Variants in EFCAB6 observed in about 807,000 individuals in gnomAD.
The protein encoded by EFCAB6 is EF-hand calcium binding domain 6.
A neutral mutation model predicts 169.8 loss-of-function variants in EFCAB6; 156 were observed. The observed-to-expected ratio is 0.92, with a 90% CI of 0.81 to 1.05. The LOEUF (loss-of-function observed/expected upper bound fraction) is 1.05, where lower values mean the gene tolerates loss of function less well. Ranked by LOEUF, EFCAB6 falls within the 50% of genes least tolerant of loss-of-function variation. The probability of loss-of-function intolerance (pLI) is 0.00; values close to 1 mark genes in which losing one functional copy is unlikely to be tolerated. For missense variants in EFCAB6, 1,800 were observed against 1,829.1 expected (o/e 0.98, Z 0.29); for synonymous variants, 698 against 676.4 (o/e 1.03, Z -0.50).
At chr22:43,761,556 C>G (rs531054259) in intron 5 of EFCAB6, among the ~76,000 whole-genome samples, 1 of 152,310 alleles carries the variant, frequency 6.6e-6, no homozygotes, top group South Asian at 2.1e-4. Flanking sequence ...ATTTTATTGC[C>G]TGTTTTGCAT....
intron 28 of EFCAB6, among the ~76,000 whole-genome samples, chr22:43,538,881 G>A (rs1264538309): frequency 6.6e-6 from 1 of 152,052 alleles, no homozygotes; most frequent in African/African-American, 2.4e-5. Flanking sequence ...TTACAGTTCT[G>A]GAGGTCCAAA....
intron 10 of EFCAB6, among the ~76,000 whole-genome samples, chr22:43,708,639 A>G (rs1241622055): frequency 6.6e-6 from 1 of 152,188 alleles, no homozygotes; most frequent in East Asian, 1.9e-4. Context: ...ACAATAAAAG[A>G]GTAAAAAGTT....
rs150892923 is a variant in EFCAB6, at chr22:43,576,435, G to A, written c.3282C>T (p.Phe1094=). 1.2e-5 allele frequency: 19 copies of A among 1,597,614 alleles called. No homozygotes were observed. The highest frequency in any genetic ancestry group is 4.6e-5 in the East Asian group (2 of 43,836). Residue 1094 remains phenylalanine (F), a synonymous_variant, in exon 26 of 32, where the codon TTC becomes TTT. Coordinates refer to ENST00000262726, the MANE Select transcript of EFCAB6 (RefSeq NM_022785.4). ...AACAGAAATCCTTAAGAACTTGTCC[G>A]AATTCTGTAGCCTTTACAAATCCTG... ...EDTGFVKATE[F]GQVLKDFCYK...
intron 29 of EFCAB6, chr22:43,535,781 C>T (rs2047348978): frequency 6.6e-6 from 1 of 152,272 alleles, no homozygotes; most frequent in Non-Finnish European, 1.5e-5. Context: ...TGGAAGCAGA[C>T]TGCAGGCAAA....
At chr22:43,785,864 A>T (rs1184203074) in intron 2 of EFCAB6, among the ~76,000 whole-genome samples, 2 of 152,210 alleles carry the variant, frequency 1.3e-5, no homozygotes, top group Non-Finnish European at 2.9e-5. Context: ...TACTATACAC[A>T]ACTGTATGCT....
At chr22:43,531,362 T>C (rs738725) in intron 30 of EFCAB6, among the ~76,000 whole-genome samples, 115,463 of 151,980 alleles carry the variant, frequency 0.76, 44,068 homozygotes, top group Admixed American at 0.84. Flanking sequence ...CGGGCAGATA[T>C]GGGCCAATTT....
chr22:43,643,329 G>T (rs1360816543), intron 17 of EFCAB6, among the ~76,000 whole-genome samples: 1 of 152,246 alleles, frequency 6.6e-6, no homozygotes, highest in African/African-American at 2.4e-5. Flanking sequence ...ACACGAGTTG[G>T]TCGGACTCCA....
intron 24 of EFCAB6, among the ~76,000 whole-genome samples, chr22:43,581,572 A>G (rs1234646218): frequency 6.6e-6 from 1 of 152,264 alleles, no homozygotes; most frequent in Admixed American, 6.5e-5. Flanking sequence ...GTTTAATTGC[A>G]TTCAAAGTTC....
chr22:43,652,751 A>G (rs1569321099), intron 17 of EFCAB6, among the ~76,000 whole-genome samples: 1 of 152,108 alleles, frequency 6.6e-6, no homozygotes, highest in East Asian at 1.9e-4. Context: ...ATAACCCAAT[A>G]TCCAGAAAGA....
At chr22:43,662,440 G>A (rs1283067682) in intron 17 of EFCAB6, among the ~76,000 whole-genome samples, 1 of 152,036 alleles carries the variant, frequency 6.6e-6, no homozygotes, top group African/African-American at 2.4e-5. Context: ...CCAGTATGAG[G>A]TTACCAGCCA....
chr22:43,706,991 G>C (rs1204559373), intron 10 of EFCAB6, among the ~76,000 whole-genome samples: 1 of 152,182 alleles, frequency 6.6e-6, no homozygotes, highest in African/African-American at 2.4e-5. Context: ...TAGGTATTAG[G>C]AGCAAGGAAA....
At chr22:43,727,228 C>T (rs527469320) in intron 8 of EFCAB6, among the ~76,000 whole-genome samples, 229 of 152,280 alleles carry the variant, frequency 1.5e-3, no homozygotes, top group African/African-American at 5.4e-3. Flanking sequence ...GAGTTTGAGA[C>T]TAGGCTGGGC....
At chr22:43,531,908 A>T (rs115903974) in intron 30 of EFCAB6, 116 of 152,174 alleles carry the variant, frequency 7.6e-4, no homozygotes, top group African/African-American at 2.5e-3. Flanking sequence ...CCCCGAGGAC[A>T]TCTTTCTGCT....
Position 43,531,087 on chromosome 22 carries a change from G to C in EFCAB6, c.4234-123C>G. On this transcript the variant is annotated intron_variant, in intron 30 of 31. Coordinates refer to ENST00000262726, the MANE Select transcript of EFCAB6 (RefSeq NM_022785.4). ...CCGGCTTCACCTCCCAACCTGCTCCGCTGGCTCTGAATCGAGGAGGGAGCC... is the reference window on the plus strand; with the variant it reads ...CCGGCTTCACCTCCCAACCTGCTCCCCTGGCTCTGAATCGAGGAGGGAGCC... 3.1e-6 allele frequency: 4 copies of C among 1,308,530 alleles called. No homozygotes were observed. The South Asian group carries it at 4.1e-5, about 13-fold the overall frequency. The allele number at this position is 1,308,530 out of a possible 1,614,324, so 81.1% of individuals were successfully genotyped here. A position where few individuals can be genotyped will look rare whatever the true frequency, so the allele number is the denominator to read the frequency against.
intron 4 of EFCAB6, among the ~76,000 whole-genome samples, 170 bp downstream of exon 4, chr22:43,772,721 CT>C (rs2061513102): frequency 6.6e-6 from 1 of 151,896 alleles, no homozygotes; most frequent in Non-Finnish European, 1.5e-5. Context: ...GACCGAGTAG[CT>C]GTTGATCGTG....
chr22:43,703,933 C>CCTTT (rs1418102713), intron 10 of EFCAB6, among the ~76,000 whole-genome samples: 2 of 151,804 alleles, frequency 1.3e-5, no homozygotes, highest in Non-Finnish European at 2.9e-5. Flanking sequence ...AGAAAAAAAG[C>CCTTT]CTAGAAAGCA....
rs1372719672 is a variant in EFCAB6 at position 43,534,798 on chromosome 22, T to C, written c.4123A>G (p.Ser1375Gly). The C allele has an allele frequency of 6.2e-7, 1 of 1,613,990 alleles. No individual in the cohort carries two copies. The highest frequency in any genetic ancestry group is 1.7e-5 in the Admixed American group (1 of 59,986). ...TCACAGTATGCAAATTTCCCGTTGC[T>C]CTTTAAGTCGTATTTTATAATGAGC... Reference protein sequence around the residue: ...QQLIIKYDLKSNGKFAYCDFI... With the variant: ...QQLIIKYDLKGNGKFAYCDFI... The change falls in exon 30 of 32, where the codon AGC (serine) becomes GGC (glycine). Residue 1375 changes from serine (S) to glycine (G), a missense_variant. By Grantham distance (56) the Ser-to-Gly change is moderately conservative. Transcript: ENST00000262726.
intron 11 of EFCAB6, among the ~76,000 whole-genome samples, chr22:43,687,014 A>G (rs2058220980): frequency 6.6e-6 from 1 of 152,214 alleles, no homozygotes; most frequent in South Asian, 2.1e-4. Flanking sequence ...AATCTCCATG[A>G]CCCATGATAT....
intron 6 of EFCAB6, 43 bp downstream of exon 6, chr22:43,755,723 T>C (rs778894381): frequency 7.2e-6 from 11 of 1,520,252 alleles, no homozygotes; most frequent in Non-Finnish European, 7.1e-6. Flanking sequence ...CTGCTGACAA[T>C]GGGTGGGGTG....
Sources: allele counts gnomAD v4.1 joint callset (sites outside exome capture counted in the v4.1 genomes callset), GRCh38; gene constraint gnomAD v4.1.1; transcripts MANE v1.5; gene names NCBI Gene and HGNC (gene_info 2026-07-23, HGNC 2026-07-21).